Variants in RELL1 observed in about 807,000 individuals in gnomAD.
The protein encoded by RELL1 is RELT like 1.
RELL1 carries 10 observed loss-of-function variants against 23.0 expected under a neutral mutation model. The observed-to-expected ratio is 0.43, with a 90% CI of 0.27 to 0.74. RELL1 has a LOEUF of 0.74. RELL1 is among the 30% of genes least tolerant of loss of function. The pLI, the probability that RELL1 is intolerant of heterozygous loss-of-function variation, is 0.19. For synonymous variants in RELL1, 146 were observed against 146.8 expected, an observed-to-expected ratio of 0.99 and a Z score of 0.04; for missense variants, 315 against 364.4, an observed-to-expected ratio of 0.86 and a Z score of 1.10.
chr4:37,663,767 G>A (rs777588688), intron 1 of RELL1, among the ~76,000 whole-genome samples: 5 of 152,098 alleles, frequency 3.3e-5, no homozygotes, highest in Non-Finnish European at 4.4e-5. Context: ...TGTAAGTGGC[G>A]GTGGCCTTGG....
At chr4:37,637,593 A>G (rs1342029177) in intron 4 of RELL1, among the ~76,000 whole-genome samples, 2 of 152,116 alleles carry the variant, frequency 1.3e-5, no homozygotes, top group Non-Finnish European at 2.9e-5. Flanking sequence ...CAGAGCCTTC[A>G]GTCTCCACCC....
At chr4:37,607,583 T>G (rs1275426411), downstream of RELL1, among the ~76,000 whole-genome samples, 2 of 145,382 alleles carry the variant, frequency 1.4e-5, no homozygotes, top group Non-Finnish European at 3.0e-5. Context: ...TCTTTTCTTT[T>G]TTTTTTTTTT....
chr4:37,591,539 T>G (rs1371488959), intron 6 of RELL1: 1 of 152,464 alleles, frequency 6.6e-6, no homozygotes, highest in African/African-American at 2.4e-5. Context: ...AACTAACCAG[T>G]TGTTCAACAG....
chr4:37,636,988 C>A (rs1720354452), intron 4 of RELL1, among the ~76,000 whole-genome samples: 1 of 152,216 alleles, frequency 6.6e-6, no homozygotes, highest in Non-Finnish European at 1.5e-5. Flanking sequence ...CAAAGCAGTA[C>A]CTTCCTGGAG....
At chr4:37,605,224 G>T (rs1719158499) in intron 6 of RELL1, among the ~76,000 whole-genome samples, 1 of 152,074 alleles carries the variant, frequency 6.6e-6, no homozygotes, top group African/African-American at 2.4e-5. Context: ...AATACATAAA[G>T]ATGTGTGTAT....
rs752265778 is a variant in RELL1 at position 37,665,573 on chromosome 4, G to A, written c.89-16073C>T. On this transcript the variant is annotated intron_variant, in intron 1 of 6. Coordinates refer to ENST00000454158, the MANE Select transcript of RELL1 (RefSeq NM_001085400.2). ...TTCCACGTGGCTGCGAGTCCTAACA[G>A]AACTGTTCATGTATATTCCTTGCAA... Among the ~76,000 whole-genome samples the A allele has an allele frequency of 1.9e-4, 29 of 152,158 alleles. 1 individual carries two copies. The highest frequency in any genetic ancestry group is 3.1e-4 in the Non-Finnish European group (21 of 68,038).
intron 1 of RELL1, 110 bp from the exon 2 acceptor site, chr4:37,649,610 G>T: frequency 1.1e-6 from 1 of 939,566 alleles, no homozygotes; most frequent in Non-Finnish European, 1.6e-6. Flanking sequence ...CGAAACCACA[G>T]GCCATGCAGA....
chr4:37,652,091 G>C lies in RELL1; in HGVS notation c.89-2591C>G, dbSNP rs1459173614. The stretch of plus-strand genomic sequence containing the variant: ...CTCCTGCATCATAATGATTATAATG[G>C]GGACAATATGCCTGGTATGAAATGA... On this transcript the variant is annotated intron_variant, in intron 1 of 6. Coordinates refer to ENST00000454158, the MANE Select transcript of RELL1 (RefSeq NM_001085400.2). Among the ~76,000 whole-genome samples the C allele has an allele frequency of 2.0e-5, 3 of 152,242 alleles. No individual in the cohort carries two copies. In the East Asian group the frequency reaches 5.8e-4, roughly 29 times the overall value.
intron 1 of RELL1, among the ~76,000 whole-genome samples, chr4:37,654,344 A>G (rs1186407148): frequency 6.6e-6 from 1 of 152,218 alleles, no homozygotes; most frequent in East Asian, 1.9e-4. Context: ...GAACATTTCC[A>G]CCATCCCAGA....
At chr4:37,660,155 T>C (rs1218827602) in intron 1 of RELL1, among the ~76,000 whole-genome samples, 1 of 152,134 alleles carries the variant, frequency 6.6e-6, no homozygotes, top group Non-Finnish European at 1.5e-5. Context: ...TGGTCTAGAT[T>C]ACCAAGATGG....
At chr4:37,668,643 C>G (rs1426357354) in intron 1 of RELL1, among the ~76,000 whole-genome samples, 24 of 152,074 alleles carry the variant, frequency 1.6e-4, no homozygotes, top group African/African-American at 5.8e-4. Flanking sequence ...GCCACCCCGT[C>G]TGGGAAGTGA....
downstream of RELL1, among the ~76,000 whole-genome samples, chr4:37,605,816 AAAG>A (rs1350731852): frequency 8.3e-6 from 1 of 121,048 alleles, no homozygotes; most frequent in East Asian, 2.0e-4. Context: ...AGAAAGAAAG[AAAG>A]AAAGAAAGAA....
downstream of RELL1, among the ~76,000 whole-genome samples, chr4:37,606,651 C>G (rs1349687601): frequency 6.6e-6 from 1 of 152,200 alleles, no homozygotes; most frequent in African/African-American, 2.4e-5. This position sits in a 1 kb window ranked among gnomAD's most constrained non-coding sequence, Gnocchi z 4.1. Context: ...GATTATACCC[C>G]AGAGATATCA....
rs369457184 is a variant in RELL1, at chr4:37,628,250, A to AG, written c.*3+3134dup. Among the ~76,000 whole-genome samples, 1,110 of 152,260 alleles carry AG rather than the reference A, an allele frequency of 7.3e-3. 13 individuals are homozygous for AG. Among genetic ancestry groups the AG allele is most frequent in the African/African-American group, 0.025 (1,039 of 41,536 alleles). ...GTTGAATGAAGTCTGTGACACCTGA[A>AG]GCAAGGCTGCCCAGGTTCAAGTCTA... On this transcript the variant is annotated intron_variant, in intron 6 of 6. Transcript: ENST00000454158.
downstream of RELL1, among the ~76,000 whole-genome samples, chr4:37,609,533 C>T (rs543934253): frequency 1.4e-4 from 22 of 152,292 alleles, no homozygotes; most frequent in Non-Finnish European, 2.1e-4. Context: ...AGGCTACAGC[C>T]GCCGTAGACA....
intron 1 of RELL1, among the ~76,000 whole-genome samples, chr4:37,679,460 T>C (rs1397936005): frequency 1.3e-5 from 2 of 152,174 alleles, no homozygotes; most frequent in African/African-American, 4.8e-5. Context: ...CACAAATAAA[T>C]GAGTCACAGA....
At chr4:37,604,880 T>C (rs145439281) in intron 6 of RELL1, among the ~76,000 whole-genome samples, 8,110 of 34,316 alleles carry the variant, frequency 0.24, 390 homozygotes, top group Middle Eastern at 0.31. Flanking sequence ...CACACACACA[T>C]ACACACAGAC....
In RELL1 at chr4:37,671,724, G is replaced by GCCCCGA. The variant is rs58608873; in HGVS notation, c.88+14475_88+14476insTCGGGG. On this transcript the variant is annotated intron_variant, in intron 1 of 6. Coordinates refer to ENST00000454158, the MANE Select transcript of RELL1 (RefSeq NM_001085400.2). The stretch of plus-strand genomic sequence containing the variant: ...AAAATAGCCAACCAGCAGCCCCGAG[G>GCCCCGA]GCTGCTGTGGAATAGCCTGTGGAAT... Among the ~76,000 whole-genome samples, 142 of 152,210 alleles carry GCCCCGA rather than the reference G, an allele frequency of 9.3e-4. No individual in the cohort carries two copies. The East Asian group carries it at 0.022, about 24-fold the overall frequency.
At chr4:37,637,702 G>A (rs1228295962) in intron 4 of RELL1, among the ~76,000 whole-genome samples, 3 of 152,194 alleles carry the variant, frequency 2.0e-5, no homozygotes, top group Admixed American at 6.5e-5. Context: ...TCCAGCTCCA[G>A]AGCAGCACCC....
Sources: allele counts gnomAD v4.1 joint callset (sites outside exome capture counted in the v4.1 genomes callset), GRCh38; gene constraint gnomAD v4.1.1; non-coding constraint Gnocchi (gnomAD v3.1); transcripts MANE v1.5; gene names NCBI Gene and HGNC (gene_info 2026-07-23, HGNC 2026-07-21).